The following DNAH9 variants were observed in gnomAD, a reference collection of about 807,000 sequenced individuals.
DNAH9 encodes dynein axonemal heavy chain 9, also known as DNAH9 variant protein.
Under a neutral mutation model 471.6 loss-of-function variants are expected in DNAH9, and 345 were observed. The observed-to-expected ratio is 0.73, with a 90% confidence interval of 0.67 to 0.80. The LOEUF is 0.80. Ranked by LOEUF, DNAH9 falls within the 30% of genes least tolerant of loss-of-function variation. DNAH9 has a pLI of 0.00. For synonymous variants in DNAH9, 2,093 were observed against 2,123.6 expected, an observed-to-expected ratio of 0.99 and a Z score of 0.40; for missense variants, 5,407 against 5,609.2, an observed-to-expected ratio of 0.96 and a Z score of 1.15.
chr17:11,891,469 G>A (rs1429673581), intron 57 of DNAH9, among the ~76,000 whole-genome samples: 8 of 152,032 alleles, frequency 5.3e-5, no homozygotes, highest in African/African-American at 1.4e-4. Flanking sequence ...AGGTTCAAAC[G>A]ATTCTCCCAC....
chr17:11,934,223 G>A, intron 65 of DNAH9, 152 bp downstream of exon 65: 2 of 773,362 alleles, frequency 2.6e-6, no homozygotes, highest in Non-Finnish European at 4.1e-6. Flanking sequence ...TTAGACAGCT[G>A]AGCTCATGTC....
chr17:11,645,809 C>T (rs1273884218), intron 11 of DNAH9, among the ~76,000 whole-genome samples: 18 of 152,146 alleles, frequency 1.2e-4, no homozygotes, highest in African/African-American at 4.3e-4. Context: ...TGACATTCTC[C>T]TTATCATCCC....
At position 11,807,737 on chromosome 17, in the gene DNAH9, A is replaced by G. The variant is rs200455683; in HGVS notation, c.8426A>G (p.His2809Arg). 5.4e-5 allele frequency: 86 copies of G among 1,605,536 alleles called. No individual in the cohort carries two copies. The Admixed American group carries it at 7.5e-4, about 14-fold the overall frequency. The change falls in exon 44 of 69, where the codon CAT (histidine) becomes CGT (arginine). Residue 2809 changes from histidine (H) to arginine (R), a missense_variant. By Grantham distance (29) the His-to-Arg change is conservative. Coordinates refer to ENST00000262442, the MANE Select transcript of DNAH9 (RefSeq NM_001372.4). ...GCCTGCTTCCTTCTCTTTAGCTGCC[A>G]TATCAATCGCATCTTGGAGTCCCCG... ...LFEDAMRHVCHINRILESPRG... is the reference protein window; with the variant it reads ...LFEDAMRHVCRINRILESPRG...
chr17:11,738,541 C>A (rs907108875), intron 28 of DNAH9, among the ~76,000 whole-genome samples: 2 of 152,130 alleles, frequency 1.3e-5, no homozygotes, highest in Non-Finnish European at 2.9e-5. Flanking sequence ...CCACCATACC[C>A]GGCTGATTTT....
At position 11,701,174 on chromosome 17, in the gene DNAH9, A is replaced by T; in HGVS notation, c.5078A>T (p.His1693Leu). 6.2e-7 allele frequency: 1 copy of T among 1,614,150 alleles called. No individual in the cohort carries two copies. Among genetic ancestry groups the T allele is most frequent in the Non-Finnish European group, 8.5e-7 (1 of 1,179,994 alleles). The change falls in exon 24 of 69, where the codon CAT (histidine) becomes CTT (leucine). Residue 1693 changes from histidine (H) to leucine (L), a missense_variant. Coordinates refer to ENST00000262442, the MANE Select transcript of DNAH9 (RefSeq NM_001372.4). ...GGTCACATGAAGGCCACTGTGAGGC[A>T]TGAGATGACAGAAGGTGTAACTGCC... ...VLGHMKATVR[H>L]EMTEGVTAYE...
At chr17:11,683,957 CTTAG>C (rs1483559570) in intron 19 of DNAH9, among the ~76,000 whole-genome samples, 1 of 152,080 alleles carries the variant, frequency 6.6e-6, no homozygotes, top group Non-Finnish European at 1.5e-5. Context: ...TGTTTTCTTT[CTTAG>C]TTTGGTGTGT....
chr17:11,766,258 A>T (rs1219070365), intron 36 of DNAH9, among the ~76,000 whole-genome samples: 1 of 152,130 alleles, frequency 6.6e-6, no homozygotes, highest in Non-Finnish European at 1.5e-5. Flanking sequence ...CATAAAAGCA[A>T]AGCAGAAATA....
At chr17:11,878,183 G>A (rs947583515) in intron 53 of DNAH9, among the ~76,000 whole-genome samples, 2 of 152,156 alleles carry the variant, frequency 1.3e-5, no homozygotes, top group African/African-American at 2.4e-5. Context: ...AGTGTCCCTA[G>A]TGTCTAAAAC....
In DNAH9 at chr17:11,884,428, C is replaced by T. The variant is rs1027147322; in HGVS notation, c.10971+678C>T. The T allele has an allele frequency of 1.4e-4, 48 of 338,852 alleles. No homozygotes were observed. In the Middle Eastern group the frequency reaches 2.0e-3, roughly 14 times the overall value. The allele number at this position is 338,852 out of a possible 1,614,324, so 21.0% of individuals were successfully genotyped here. A position where few individuals can be genotyped will look rare whatever the true frequency, so the allele number is the denominator to read the frequency against. ...AAGGCCTTTTGCAGTCTCAGTCTCG[C>T]GCTTGCATCAGAAGGGCATTGGAGA... is the stretch of plus-strand genomic sequence containing the variant. On this transcript the variant is annotated intron_variant, in intron 56 of 68. Transcript: ENST00000262442.
chr17:11,702,172 A>G (rs1234942435), intron 24 of DNAH9, among the ~76,000 whole-genome samples: 1 of 152,212 alleles, frequency 6.6e-6, no homozygotes, highest in East Asian at 1.9e-4. Context: ...CAGGGTGAGC[A>G]GGTGTGTCTG....
chr17:11,888,126 G>A (rs1972937362), intron 57 of DNAH9, among the ~76,000 whole-genome samples: 1 of 151,876 alleles, frequency 6.6e-6, no homozygotes, highest in South Asian at 2.1e-4. Flanking sequence ...GGGACTACAG[G>A]TGCCCACCAC....
intron 61 of DNAH9, among the ~76,000 whole-genome samples, chr17:11,907,280 G>A (rs941851151): frequency 1.3e-5 from 2 of 152,224 alleles, no homozygotes; most frequent in South Asian, 4.1e-4. Flanking sequence ...AGACTAGCCT[G>A]ACCAACACAG....
In DNAH9 at chr17:11,810,357, CT is replaced by C. The variant is rs1969850009; in HGVS notation, c.8699del (p.Leu2900TrpfsTer19). The C allele has an allele frequency of 6.2e-7, 1 of 1,611,746 alleles. No homozygotes were observed. Among genetic ancestry groups the C allele is most frequent in the African/African-American group, 1.3e-5 (1 of 74,808 alleles). ...GAGGTTCCTTGTGCTCATCAATGAT[CT>C]TTTGGCATCTGGTAAGAGATTCCTT... is the stretch of plus-strand genomic sequence containing the variant. ...DERFLVLINDLLASGEIPDLY... is the reference protein window; with the variant it reads ...DERFLVLINDXLASGEIPDLY... On this transcript the variant is annotated frameshift_variant, in exon 45 of 69. Transcript: ENST00000262442. LOFTEE classifies it high-confidence loss of function.
chr17:11,680,131 TC>T, intron 18 of DNAH9, 152 bp downstream of exon 18: 1 of 630,144 alleles, frequency 1.6e-6, no homozygotes. Flanking sequence ...ATTTGTAACA[TC>T]TAGCAAATTC....
intron 48 of DNAH9, among the ~76,000 whole-genome samples, chr17:11,831,971 G>A (rs1047237274): frequency 1.3e-5 from 2 of 152,168 alleles, no homozygotes; most frequent in Non-Finnish European, 2.9e-5. Flanking sequence ...GGACCAGCAG[G>A]GCTGAGGGAA....
At chr17:11,823,179 G>A in intron 48 of DNAH9, 145 bp downstream of exon 48, 5 of 708,592 alleles carry the variant, frequency 7.1e-6, no homozygotes, top group Non-Finnish European at 1.1e-5. Flanking sequence ...TATCTATTAT[G>A]TTCTCGTGTG....
chr17:11,732,115 A>G lies in DNAH9; in HGVS notation c.5814+4193A>G, dbSNP rs530846066. Among the ~76,000 whole-genome samples, 13 of 152,346 alleles carry G rather than the reference A, an allele frequency of 8.5e-5. No homozygotes were observed. In the South Asian group the frequency reaches 2.7e-3, roughly 32 times the overall value. ...ATCAATGAGGCAGTGCCCAACAGCC[A>G]TTGTTGCCCCTGGATAGTAGATAGA... is the stretch of plus-strand genomic sequence containing the variant. On this transcript the variant is annotated intron_variant, in intron 28 of 68. Coordinates refer to ENST00000262442, the MANE Select transcript of DNAH9 (RefSeq NM_001372.4).
At chr17:11,800,619 T>G (rs1417314653) in intron 43 of DNAH9, among the ~76,000 whole-genome samples, 3 of 152,200 alleles carry the variant, frequency 2.0e-5, no homozygotes, top group African/African-American at 7.2e-5. Context: ...TTTCCTTCTC[T>G]GCCCACTTCT....
At chr17:11,850,796 C>T (rs188186317) in intron 49 of DNAH9, among the ~76,000 whole-genome samples, 2 of 152,050 alleles carry the variant, frequency 1.3e-5, no homozygotes, top group African/African-American at 4.8e-5. Context: ...TTTTGACTTG[C>T]ATTGGATAAA....
Sources: allele counts gnomAD v4.1 joint callset (sites outside exome capture counted in the v4.1 genomes callset), GRCh38; gene constraint gnomAD v4.1.1; transcripts MANE v1.5; gene names NCBI Gene and HGNC (gene_info 2026-07-23, HGNC 2026-07-21).